Variants in TTN observed in about 807,000 individuals in gnomAD.
The protein encoded by TTN is titin.
In TTN, 1,525 loss-of-function variants were observed where a neutral mutation model predicts 3,223.0. The ratio of observed to expected loss-of-function variants is 0.47; its 90% CI spans 0.45 to 0.49. The LOEUF (loss-of-function observed/expected upper bound fraction) is 0.49, where lower values mean the gene tolerates loss of function less well. Ranked by LOEUF, TTN falls within the 20% of genes least tolerant of loss-of-function variation. The pLI, the probability that TTN is intolerant of heterozygous loss-of-function variation, is 0.00. For missense variants in TTN, 40,786 were observed against 43,424.0 expected (o/e 0.94, Z 5.40); for synonymous variants, 14,094 against 15,161.0 (o/e 0.93, Z 5.17).
intron 279 of TTN, 46 bp from the exon 280 acceptor site, chr2:178,605,341 G>A (rs767287407): frequency 1.3e-6 from 2 of 1,531,728 alleles, no homozygotes; most frequent in Admixed American, 2.1e-5. Flanking sequence ...TCATAAGGAT[G>A]TTTTTTTCAA....
At position 178,552,897 on chromosome 2, in the gene TTN, A is replaced by T; in HGVS notation, c.90003T>A (p.Thr30001=). The change falls in exon 335 of 363, where the codon ACT becomes ACA. Residue 30001 remains threonine (T), a synonymous_variant. Coordinates refer to ENST00000589042, the MANE Select transcript of TTN (RefSeq NM_001267550.2). ...SFKLIDLSEK[T]PFFFRVLAEN... ...CTGCAAGAACTCTGAAGAAGAATGG[A>T]GTCTTCTCCGACAAATCTATTAGCT... The T allele has an allele frequency of 6.2e-7, 1 of 1,613,822 alleles. No homozygotes were observed.
At chr2:178,635,746 T>C (rs766238047) in intron 226 of TTN, 31 bp from the exon 227 acceptor site, 1 of 1,571,656 alleles carries the variant, frequency 6.4e-7, no homozygotes, top group Non-Finnish European at 8.6e-7. Context: ...AAAAAATGAT[T>C]AAGGTCTGAA....
chr2:178,715,707 A>G lies in TTN; in HGVS notation c.25707T>C (p.Tyr8569=), dbSNP rs2742329. Residue 8569 remains tyrosine (Y), a synonymous_variant, in exon 89 of 363, where the codon TAT becomes TAC. Coordinates refer to ENST00000589042, the MANE Select transcript of TTN (RefSeq NM_001267550.2). ...CTGGAGACCCACCGATTTTGCATTC[A>G]TACCTTGTGAATTCATCCTGTTTCA... ...RIVKQDEFTR[Y]ECKIGGSPEI... is the part of the protein sequence containing the mutation. 0.027 allele frequency: 43,687 copies of G among 1,606,166 alleles called. 1,353 individuals are homozygous for G. The highest frequency in any genetic ancestry group is 0.19 in the East Asian group (8,432 of 44,572).
At chr2:178,637,187 A>ATATATATATATCTATATATCTATC (rs1553749552) in intron 224 of TTN, among the ~76,000 whole-genome samples, 182 bp downstream of exon 224, 1 of 125,308 alleles carries the variant, frequency 8.0e-6, no homozygotes, top group African/African-American at 3.0e-5. Context: ...ATATATATAT[A>ATATATATATATCTATATATCTATC]TATCTCCTTG....
At chr2:178,616,351 T>A in intron 257 of TTN, 128 bp downstream of exon 257, 2 of 1,300,330 alleles carry the variant, frequency 1.5e-6, no homozygotes, top group South Asian at 2.8e-5. Flanking sequence ...CTTAAAAAGT[T>A]TTTGTACATT....
chr2:178,605,740 T>C (rs769365053), intron 278 of TTN, 27 bp from the exon 279 acceptor site: 3 of 1,442,834 alleles, frequency 2.1e-6, no homozygotes, highest in Non-Finnish European at 1.8e-6. Context: ...GTGAAAATGA[T>C]TAGCATGAGA....
chr2:178,527,579 TGCAA>T lies in TTN; in HGVS notation c.107543_107546del (p.Phe35848Ter). 1.9e-6 allele frequency: 3 copies of T among 1,614,036 alleles called. No individual in the cohort carries two copies. The highest frequency in any genetic ancestry group is 2.5e-6 in the Non-Finnish European group (3 of 1,179,884). ...AGGACATGCTTTGGGCAGACATGCT[TGCAA>T]ATTTCATCTCAGTCATGCTGCTAGC... On this transcript the variant is annotated frameshift_variant, in exon 362 of 363. Transcript: ENST00000589042. LOFTEE classifies it high-confidence loss of function.
Position 178,546,740 on chromosome 2 carries a change from A to G in TTN, c.94688T>C (p.Ile31563Thr). The change falls in exon 341 of 363, where the codon ATT becomes ACT. Residue 31563 changes from isoleucine (I) to threonine (T), a missense_variant. Physicochemically the swap from Ile to Thr is moderately conservative, Grantham distance 89. Coordinates refer to ENST00000589042, the MANE Select transcript of TTN (RefSeq NM_001267550.2). ...DGRWLKCNYT[I>T]VSDNFFTVTA... is the part of the protein sequence containing the mutation. ...CACGGTGAAGAAATTGTCAGATACAATGGTGTAGTTGCACTTCAGCCAGCG... is the reference window on the plus strand; with the variant it reads ...CACGGTGAAGAAATTGTCAGATACAGTGGTGTAGTTGCACTTCAGCCAGCG... 1 of 1,613,762 alleles carries G rather than the reference A, an allele frequency of 6.2e-7. No individual in the cohort carries two copies. Among genetic ancestry groups the G allele is most frequent in the Non-Finnish European group, 8.5e-7 (1 of 1,179,744 alleles).
At chr2:178,645,117 T>TG (rs2061728822) in intron 217 of TTN, 1 of 152,110 alleles carries the variant, frequency 6.6e-6, no homozygotes, top group South Asian at 2.1e-4. Flanking sequence ...AATTTTAGAT[T>TG]GGGGAATCAT....
rs1011515969 is a variant in TTN, at chr2:178,552,703, A to G, written c.90197T>C (p.Val30066Ala). 3.1e-6 allele frequency: 5 copies of G among 1,613,862 alleles called. No homozygotes were observed. The highest frequency in any genetic ancestry group is 1.3e-5 in the African/African-American group (1 of 75,026). Residue 30066 changes from valine (V) to alanine (A), a missense_variant, in exon 335 of 363, where the codon GTT becomes GCT. Val to Ala is a moderately conservative substitution (Grantham distance 64). Transcript: ENST00000589042. ...FDGGSVITEYVVERKGKGEQT... is the reference protein window; with the variant it reads ...FDGGSVITEYAVERKGKGEQT... ...TTCACCTTTACCTTTCCTTTCTACA[A>G]CATATTCTGTGATGACGCTACCACC... is the stretch of plus-strand genomic sequence containing the variant.
At position 178,789,363 on chromosome 2, in the gene TTN, T is replaced by A. The variant is rs72647860; in HGVS notation, c.2073A>T (p.Gly691=). 1 of 1,613,306 alleles carries A rather than the reference T, an allele frequency of 6.2e-7. No individual in the cohort carries two copies. Among genetic ancestry groups the A allele is most frequent in the Non-Finnish European group, 8.5e-7 (1 of 1,179,372 alleles). ...TRQEQIQVTH[G]KVDVGKKAEA... ...CACTTGGAACAACAATAGTCACCTT[T>A]CCATGGGTAACTTGGATTTGTTCTT... Residue 691 remains glycine, a synonymous_variant, in exon 13 of 363, where the codon GGA becomes GGT. Coordinates refer to ENST00000589042, the MANE Select transcript of TTN (RefSeq NM_001267550.2).
chr2:178,779,517 A>G, intron 22 of TTN, 55 bp from the exon 23 acceptor site: 1 of 1,120,620 alleles, frequency 8.9e-7, no homozygotes, highest in African/African-American at 1.6e-5. Flanking sequence ...GATATAAATT[A>G]TTTAAGGAGA....
At position 178,536,129 on chromosome 2, in the gene TTN, C is replaced by T; in HGVS notation, c.100618G>A (p.Gly33540Arg). ...YRQGKEIIAD[G>R]LKYRIQEFKG... ...AATTCTTGAATCCTATATTTTAATC[C>T]ATCTGCAATGATTTCTTTGCCTTGT... Residue 33540 changes from glycine (G) to arginine (R), a missense_variant, in exon 357 of 363, where the codon GGA (glycine) becomes AGA (arginine). Physicochemically the swap from Gly to Arg is moderately radical, Grantham distance 125. Coordinates refer to ENST00000589042, the MANE Select transcript of TTN (RefSeq NM_001267550.2). 6.2e-7 allele frequency: 1 copy of T among 1,613,634 alleles called. No homozygotes were observed. The highest frequency in any genetic ancestry group is 8.5e-7 in the Non-Finnish European group (1 of 1,179,710).
Position 178,536,555 on chromosome 2 carries a change from T to G in TTN, c.100192A>C (p.Lys33398Gln). Reference sequence around the variant, plus strand: ...TTTGTGACAGCAGTAATAGTTGGTTTGCCAGGAGCACCTGGCTTTTCTATT... The same window carrying G: ...TTTGTGACAGCAGTAATAGTTGGTTGGCCAGGAGCACCTGGCTTTTCTATT... Reference protein sequence around the residue: ...SPFEKPGAPGKPTITAVTKDS... With the variant: ...SPFEKPGAPGQPTITAVTKDS... Residue 33398 changes from lysine (K) to glutamine (Q), a missense_variant, in exon 357 of 363, where the codon AAA (lysine) becomes CAA (glutamine). Coordinates refer to ENST00000589042, the MANE Select transcript of TTN (RefSeq NM_001267550.2). The G allele has an allele frequency of 6.7e-7, 1 of 1,499,720 alleles. No homozygotes were observed. Among genetic ancestry groups the G allele is most frequent in the South Asian group, 1.4e-5 (1 of 70,170 alleles). The allele number at this position is 1,499,720 out of a possible 1,614,324, so 92.9% of individuals were successfully genotyped here. A position where few individuals can be genotyped will look rare whatever the true frequency, so the allele number is the denominator to read the frequency against.
intron 72 of TTN, 53 bp downstream of exon 72, chr2:178,724,207 A>T: frequency 2.5e-6 from 4 of 1,582,824 alleles, no homozygotes; most frequent in Non-Finnish European, 3.4e-6. Context: ...TGAAAGAAGG[A>T]AACTTGTAAA....
In TTN at chr2:178,544,036, C is replaced by A; in HGVS notation, c.96108G>T (p.Val32036=). ...CAGGAGGTGGTCTTCCAGATACAGA[C>A]ACCATCAAGCGCAAGGAGGCCCCAG... is the stretch of plus-strand genomic sequence containing the variant. ...IRAGASLRLM[V]SVSGRPPPVI... Residue 32036 remains valine, a synonymous_variant, in exon 346 of 363, where the codon GTG becomes GTT. Transcript: ENST00000589042. The A allele has an allele frequency of 6.2e-7, 1 of 1,613,616 alleles. No individual in the cohort carries two copies. Among genetic ancestry groups the A allele is most frequent in the South Asian group, 1.1e-5 (1 of 91,070 alleles).
rs377487375 is a variant in TTN, at chr2:178,577,067, C to G, written c.69268G>C (p.Val23090Leu). Residue 23090 changes from valine (V) to leucine (L), a missense_variant, in exon 324 of 363, where the codon GTT (valine) becomes CTT (leucine). Coordinates refer to ENST00000589042, the MANE Select transcript of TTN (RefSeq NM_001267550.2). ...RETSRLLWTV[V>L]SEDIQSCRHV... is the part of the protein sequence containing the mutation. ...CTGCAAGACTGAATATCTTCAGAAA[C>G]CACTGTCCACAAAAGTCGGCTGGTT... is the stretch of plus-strand genomic sequence containing the variant. The G allele has an allele frequency of 6.2e-7, 1 of 1,613,226 alleles. No individual in the cohort carries two copies. The highest frequency in any genetic ancestry group is 1.3e-5 in the African/African-American group (1 of 74,842).
chr2:178,735,786 T>C lies in TTN; in HGVS notation c.14660A>G (p.Lys4887Arg). Residue 4887 changes from lysine to arginine, a missense_variant, in exon 50 of 363, where the codon AAG (lysine) becomes AGG (arginine). Coordinates refer to ENST00000589042, the MANE Select transcript of TTN (RefSeq NM_001267550.2). ...ICQAELIIID[K>R]PHFIKELEPV... Reference sequence around the variant, plus strand: ...CTCTAATTCTTTAATGAAATGTGGCTTATCAATGATGATCAACTCTGCTTG... The same window carrying C: ...CTCTAATTCTTTAATGAAATGTGGCCTATCAATGATGATCAACTCTGCTTG... The C allele has an allele frequency of 6.2e-7, 1 of 1,613,764 alleles. No individual in the cohort carries two copies. The highest frequency in any genetic ancestry group is 8.5e-7 in the Non-Finnish European group (1 of 1,179,804).
chr2:178,579,828 C>G lies in TTN; in HGVS notation c.67369G>C (p.Asp22457His), dbSNP rs774749791. The change falls in exon 319 of 363, where the codon GAC becomes CAC. Residue 22457 changes from aspartate to histidine, a missense_variant. Asp to His is a moderately conservative substitution (Grantham distance 81). Transcript: ENST00000589042. ...TTAGATACAGACCTCACTTTCAGGT[C>G]CACAACTGGTCCAGGAGTTTCTAAA... ...KASQTPGPVVDLKVRSVSKSS... is the reference protein window; with the variant it reads ...KASQTPGPVVHLKVRSVSKSS... The G allele has an allele frequency of 3.7e-6, 6 of 1,613,182 alleles. No homozygotes were observed. The highest frequency in any genetic ancestry group is 1.1e-5 in the South Asian group (1 of 91,044).
Sources: allele counts gnomAD v4.1 joint callset (sites outside exome capture counted in the v4.1 genomes callset), GRCh38; gene constraint gnomAD v4.1.1; transcripts MANE v1.5; gene names NCBI Gene and HGNC (gene_info 2026-07-23, HGNC 2026-07-21).